The following EIF3G variants were observed in gnomAD, a reference collection of about 807,000 sequenced individuals.
EIF3G encodes the protein eukaryotic translation initiation factor 3 subunit G.
In EIF3G, 10 loss-of-function variants were observed where a neutral mutation model predicts 41.7. The observed-to-expected ratio is 0.24, with a 90% CI of 0.15 to 0.41. The LOEUF (loss-of-function observed/expected upper bound fraction) is 0.41. Ranked by LOEUF, EIF3G falls within the 10% of genes least tolerant of loss-of-function variation. The probability of loss-of-function intolerance (pLI) is 1.00; values close to 1 mark genes in which losing one functional copy is unlikely to be tolerated. For missense variants in EIF3G, 297 were observed against 444.0 expected (o/e 0.67, Z 2.98); for synonymous variants, 204 against 172.5 (o/e 1.18, Z -1.43).
chr19:10,115,452 GGGGCTGGGGCA>G lies in EIF3G; in HGVS notation c.947+16_947+26del. ...AGGTGCTGGGACAAGGCAGGGAGCAGGGGCTGGGGCAGGGATGGAGTCTTACTTGGCCCACT... is the reference window on the plus strand; with the variant it reads ...AGGTGCTGGGACAAGGCAGGGAGCAGGGGATGGAGTCTTACTTGGCCCACT... On this transcript the variant is annotated intron_variant, in intron 10 of 10. Coordinates refer to ENST00000253108, the MANE Select transcript of EIF3G (RefSeq NM_003755.5). The G allele has an allele frequency of 6.3e-7, 1 of 1,586,724 alleles. No homozygotes were observed. Among genetic ancestry groups the G allele is most frequent in the Non-Finnish European group, 8.6e-7 (1 of 1,163,422 alleles).
chr19:10,116,786 T>C lies in EIF3G; in HGVS notation c.595+14A>G. Reference sequence around the variant, plus strand: ...AACCCGTGCACTGACAGCAGGACCCTCCCACCCCCACACCTCCCGGCAGCT... The same window carrying C: ...AACCCGTGCACTGACAGCAGGACCCCCCCACCCCCACACCTCCCGGCAGCT... On this transcript the variant is annotated intron_variant, in intron 7 of 10. Coordinates refer to ENST00000253108, the MANE Select transcript of EIF3G (RefSeq NM_003755.5). This position sits in a 1 kb window ranked among gnomAD's most constrained non-coding sequence, Gnocchi z 4.1. The C allele has an allele frequency of 6.4e-7, 1 of 1,561,714 alleles. No individual in the cohort carries two copies. The highest frequency in any genetic ancestry group is 1.2e-5 in the South Asian group (1 of 84,372).
At chr19:10,115,935 A>C (rs2089239277) in intron 8 of EIF3G, 32 bp downstream of exon 8, 1 of 1,607,818 alleles carries the variant, frequency 6.2e-7, no homozygotes, top group African/African-American at 1.3e-5. Context: ...GGAGGTGCCC[A>C]CCCACCAGCC....
intron 3 of EIF3G, 62 bp from the exon 4 acceptor site, chr19:10,119,018 G>A (rs774365246): frequency 6.2e-7 from 1 of 1,612,826 alleles, no homozygotes; most frequent in Non-Finnish European, 8.5e-7. Context: ...AGGAGCGGCA[G>A]GGCTGGAGGG....
chr19:10,118,357 G>A, intron 5 of EIF3G: 1 of 358,540 alleles, frequency 2.8e-6, no homozygotes, highest in Non-Finnish European at 5.3e-6. Flanking sequence ...TGTGAGGTCA[G>A]GAGTTCGAGA....
chr19:10,115,277 C>A, intron 10 of EIF3G, 148 bp from the exon 11 acceptor site: 3 of 1,194,652 alleles, frequency 2.5e-6, no homozygotes, highest in Non-Finnish European at 3.5e-6. Flanking sequence ...GTCTCCAGGC[C>A]TGGTCCACGG....
Position 10,119,097 on chromosome 19 carries a change from G to A in EIF3G, c.142C>T (p.Leu48=), listed in dbSNP as rs1313372863. 1.3e-6 allele frequency: 2 copies of A among 1,565,476 alleles called. No individual in the cohort carries two copies. Among genetic ancestry groups the A allele is most frequent in the African/African-American group, 2.7e-5 (2 of 73,602 alleles). The change falls in exon 3 of 11, where the codon CTG becomes TTG. Residue 48 remains leucine (L), a synonymous_variant. Transcript: ENST00000253108. ...GGCAGTCCTCACTCACCTCCCGGCA[G>A]TAGCTCTGGCTCTGGGCTGGTGTCA... ...TGDTSPEPEL[L]PGAPLPPPKE...
chr19:10,116,784 C>G lies in EIF3G; in HGVS notation c.595+16G>C, dbSNP rs1197195020. On this transcript the variant is annotated intron_variant, in intron 7 of 10. Coordinates refer to ENST00000253108, the MANE Select transcript of EIF3G (RefSeq NM_003755.5). This position sits in a 1 kb window ranked among gnomAD's most constrained non-coding sequence, Gnocchi z 4.1. ...AGAACCCGTGCACTGACAGCAGGACCCTCCCACCCCCACACCTCCCGGCAG... is the reference window on the plus strand; with the variant it reads ...AGAACCCGTGCACTGACAGCAGGACGCTCCCACCCCCACACCTCCCGGCAG... 11 of 1,557,272 alleles carry G rather than the reference C, an allele frequency of 7.1e-6. No individual in the cohort carries two copies. Among genetic ancestry groups the G allele is most frequent in the Non-Finnish European group, 9.6e-6 (11 of 1,150,390 alleles).
At chr19:10,118,983 G>A (rs1272703390) in intron 3 of EIF3G, 27 bp from the exon 4 acceptor site, 6 of 1,613,906 alleles carry the variant, frequency 3.7e-6, no homozygotes, top group Admixed American at 1.7e-5. Flanking sequence ...AACAGAGAAA[G>A]ACTGAGCCCT....
intron 10 of EIF3G, 63 bp from the exon 11 acceptor site, chr19:10,115,192 A>C: frequency 5.0e-6 from 8 of 1,598,620 alleles, no homozygotes; most frequent in Non-Finnish European, 6.8e-6. Context: ...CCAGACACCC[A>C]AGTGGCATCT....
At position 10,116,813 on chromosome 19, in the gene EIF3G, C is replaced by T; in HGVS notation, c.582G>A (p.Glu194=). Residue 194 remains glutamate (E), a synonymous_variant, in exon 7 of 11, where the codon GAG becomes GAA. Transcript: ENST00000253108. This position sits in a 1 kb window ranked among gnomAD's most constrained non-coding sequence, Gnocchi z 4.1. ...EQLGLSTGEK[E]KLPGELEPVQ... is the part of the protein sequence containing the mutation. ...CCACCCCCACACCTCCCGGCAGCTT[C>T]TCCTTCTCGCCAGTAGACAGGCCCA... The T allele has an allele frequency of 6.3e-7, 1 of 1,590,948 alleles. No individual in the cohort carries two copies. Among genetic ancestry groups the T allele is most frequent in the Non-Finnish European group, 8.6e-7 (1 of 1,165,812 alleles).
rs377674204 is a variant in EIF3G, at chr19:10,118,607, A to G, written c.300+61T>C. 1.0e-4 allele frequency: 160 copies of G among 1,582,176 alleles called. 1 individual carries two copies. The African/African-American group carries it at 1.9e-3, about 19-fold the overall frequency. On this transcript the variant is annotated intron_variant, in intron 5 of 10. Transcript: ENST00000253108. ...AGAGTTAAGCCCCATCTCTAAACAC[A>G]AAGTCCGGGAGCACGGTTTTCCAAT...
Position 10,117,149 on chromosome 19 carries a change from C to CG in EIF3G, c.339dup (p.Gly114ArgfsTer11), listed in dbSNP as rs770821575. 5.0e-6 allele frequency: 8 copies of CG among 1,612,616 alleles called. No homozygotes were observed. The highest frequency in any genetic ancestry group is 1.7e-5 in the Admixed American group (1 of 59,782). On this transcript the variant is annotated frameshift_variant, in exon 6 of 11. Coordinates refer to ENST00000253108, the MANE Select transcript of EIF3G (RefSeq NM_003755.5). LOFTEE classifies it high-confidence loss of function. ...ACAGTGGTGGTGGCCACATTGGGTC[C>CG]GGGGGGGTCAAACTCTGAGTTCCCG...
chr19:10,116,279 A>G lies in EIF3G; in HGVS notation c.596-205T>C. On this transcript the variant is annotated intron_variant, in intron 7 of 10. Transcript: ENST00000253108. The surrounding 1 kb of genome is among the most constrained non-coding windows in gnomAD (Gnocchi z 4.1). ...TCCCAGCCAGCGACACTGGTGGAGG[A>G]GGAGGAGGAGGAGCCCCGACCCCAC... 1.7e-6 allele frequency: 1 copy of G among 601,232 alleles called. No homozygotes were observed. The highest frequency in any genetic ancestry group is 2.9e-6 in the Non-Finnish European group (1 of 339,422). The allele number at this position is 601,232 out of a possible 1,614,324, so 37.2% of individuals were successfully genotyped here. A position where few individuals can be genotyped will look rare whatever the true frequency, so the allele number is the denominator to read the frequency against.
intron 5 of EIF3G, chr19:10,117,672 TA>T (rs1437727716): frequency 6.4e-6 from 1 of 155,142 alleles, no homozygotes; most frequent in African/African-American, 2.4e-5. Flanking sequence ...CAAGCTGTTC[TA>T]AGTATACTTA....
At chr19:10,119,387 A>G (rs1049833480) in intron 2 of EIF3G, 1 of 755,110 alleles carries the variant, frequency 1.3e-6, no homozygotes, top group African/African-American at 1.7e-5. Flanking sequence ...CAGGCCATGA[A>G]GCCAACCAGG....
Position 10,116,281 on chromosome 19 carries a change from G to A in EIF3G, c.596-207C>T. On this transcript the variant is annotated intron_variant, in intron 7 of 10. Coordinates refer to ENST00000253108, the MANE Select transcript of EIF3G (RefSeq NM_003755.5). The surrounding 1 kb of genome is among the most constrained non-coding windows in gnomAD (Gnocchi z 4.1). ...CCAGCCAGCGACACTGGTGGAGGAG[G>A]AGGAGGAGGAGCCCCGACCCCACCC... 3.3e-6 allele frequency: 2 copies of A among 603,854 alleles called. No homozygotes were observed. The highest frequency in any genetic ancestry group is 2.9e-6 in the Non-Finnish European group (1 of 341,208). 37.4% of individuals were successfully genotyped at this position (603,854 alleles called of 1,614,324 possible). A position where few individuals can be genotyped will look rare whatever the true frequency, so the allele number is the denominator to read the frequency against.
chr19:10,118,749 G>A (rs1568496532), intron 4 of EIF3G, 22 bp from the exon 5 acceptor site: 3 of 1,613,486 alleles, frequency 1.9e-6, no homozygotes, highest in East Asian at 2.2e-5. Context: ...AGGGGAGAAG[G>A]GTCAGGCTCC....
Position 10,118,680 on chromosome 19 carries a change from G to A in EIF3G, c.288C>T (p.Val96=), listed in dbSNP as rs145988955. Residue 96 remains valine (V), a synonymous_variant, in exon 5 of 11, where the codon GTC becomes GTT. Coordinates refer to ENST00000253108, the MANE Select transcript of EIF3G (RefSeq NM_003755.5). ...RIETRKASKA[V]ARRKNWKKFG... is the part of the protein sequence containing the mutation. ...AGAAGAGCCTCACCTTCCTCCTTGC[G>A]ACAGCCTTTGAAGCCTTCCGGGTCT... 1.7e-5 allele frequency: 27 copies of A among 1,613,838 alleles called. No homozygotes were observed. Among genetic ancestry groups the A allele is most frequent in the Admixed American group, 5.0e-5 (3 of 59,958 alleles).
At position 10,115,599 on chromosome 19, in the gene EIF3G, G is replaced by A. The variant is rs2089229797; in HGVS notation, c.841-14C>T. The A allele has an allele frequency of 6.2e-7, 1 of 1,612,010 alleles. No individual in the cohort carries two copies. The highest frequency in any genetic ancestry group is 1.7e-5 in the Admixed American group (1 of 59,936). On this transcript the variant is annotated splice_polypyrimidine_tract_variant and intron_variant, in intron 9 of 10. Transcript: ENST00000253108. ...GAAGGCAAAGCCCTGTGGAGGGGCG[G>A]GATGGGGTCGGGCACGAGCTAGGAC... is the stretch of plus-strand genomic sequence containing the variant.
Sources: gnomAD v4.1 joint callset for allele counts on GRCh38, gnomAD v4.1.1 for gene constraint, Gnocchi (gnomAD v3.1) non-coding constraint, MANE v1.5 for transcripts, NCBI Gene and HGNC (gene_info 2026-07-23, HGNC 2026-07-21) for gene names.